Variants in MN1 observed in about 807,000 individuals in gnomAD.
The protein encoded by MN1 is transcriptional activator MN1.
Under a neutral mutation model 86.9 loss-of-function variants are expected in MN1, and 19 were observed. That is an observed-to-expected ratio of 0.22 (90% CI 0.15 to 0.32). The LOEUF (loss-of-function observed/expected upper bound fraction) is 0.32, where lower values mean the gene tolerates loss of function less well. Among genes scored for constraint, MN1 ranks in the 10% least tolerant of loss-of-function variants. The pLI is 1.00. For synonymous variants in MN1, 928 were observed against 849.6 expected (o/e 1.09, Z -1.60); for missense variants, 1,841 against 1,862.0 (o/e 0.99, Z 0.21).
Position 27,797,799 on chromosome 22 carries a change from G to A in MN1, c.2745C>T (p.Gly915=). The A allele has an allele frequency of 6.3e-7, 1 of 1,597,186 alleles. No individual in the cohort carries two copies. Among genetic ancestry groups the A allele is most frequent in the Non-Finnish European group, 8.5e-7 (1 of 1,173,568 alleles). The change falls in exon 1 of 2, where the codon GGC becomes GGT. Residue 915 remains glycine (G), a synonymous_variant. Transcript: ENST00000302326. ...GPPNPPAQGD[G]TSLSPNYTLE... ...GGGTGTAGTTGGGGGAGAGGCTGGT[G>A]CCGTCCCCCTGGGCTGGAGGGTTGG...
intron 1 of MN1, among the ~76,000 whole-genome samples, chr22:27,793,612 A>G (rs1275054062): frequency 6.6e-6 from 1 of 152,204 alleles, no homozygotes; most frequent in African/African-American, 2.4e-5. Context: ...TGGGTTGATT[A>G]AGAAGTCAAG....
Position 27,748,536 on chromosome 22 carries a change from T to A in MN1, c.*2379A>T, listed in dbSNP as rs2123871434. Reference sequence around the variant, plus strand: ...AAGTTTTCATATTTTACATGTGCAATAACATTTTCGTTTTCTTTCCCAAAG... The same window carrying A: ...AAGTTTTCATATTTTACATGTGCAAAAACATTTTCGTTTTCTTTCCCAAAG... On this transcript the variant is annotated 3_prime_UTR_variant, in exon 2 of 2. Coordinates refer to ENST00000302326, the MANE Select transcript of MN1 (RefSeq NM_002430.3). 4.9e-6 allele frequency: 1 copy of A among 204,352 alleles called. No homozygotes were observed. The highest frequency in any genetic ancestry group is 1.0e-5 in the Non-Finnish European group (1 of 99,428). The allele number at this position is 204,352 out of a possible 1,614,324, so 12.7% of individuals were successfully genotyped here. A position where few individuals can be genotyped will look rare whatever the true frequency, so the allele number is the denominator to read the frequency against.
chr22:27,758,928 CAATACTCCCACCTCA>C (rs1932817396), intron 1 of MN1, among the ~76,000 whole-genome samples: 1 of 152,158 alleles, frequency 6.6e-6, no homozygotes, highest in Non-Finnish European at 1.5e-5. Flanking sequence ...CAGGCTCAAG[CAATACTCCCACCTCA>C]GCCTCCCAAG....
intron 1 of MN1, among the ~76,000 whole-genome samples, chr22:27,772,782 A>G (rs1479382123): frequency 6.6e-6 from 1 of 152,070 alleles, no homozygotes; most frequent in Admixed American, 6.5e-5. Flanking sequence ...TAAGCTAGCA[A>G]GACAACACAC....
chr22:27,755,640 C>T (rs985673322), intron 1 of MN1, among the ~76,000 whole-genome samples: 2 of 152,186 alleles, frequency 1.3e-5, no homozygotes, highest in Non-Finnish European at 2.9e-5. Context: ...CCTACTACCC[C>T]GTCACCCCTG....
At position 27,798,599 on chromosome 22, in the gene MN1, C is replaced by A; in HGVS notation, c.1945G>T (p.Gly649Cys). ...CCACAGTCAGCGGGCAGACCCGAGC[C>A]GCCCATCCTACGGGGCAGCAGGTCT... ...PGDLLPRRMG[G>C]SGLPADCGPH... Residue 649 changes from glycine to cysteine, a missense_variant, in exon 1 of 2, where the codon GGC (glycine) becomes TGC (cysteine). Physicochemically the swap from Gly to Cys is radical, Grantham distance 159. Transcript: ENST00000302326. 6.4e-7 allele frequency: 1 copy of A among 1,556,102 alleles called. No individual in the cohort carries two copies. Among genetic ancestry groups the A allele is most frequent in the East Asian group, 2.4e-5 (1 of 42,426 alleles).
At chr22:27,779,805 C>T (rs1351013613) in intron 1 of MN1, among the ~76,000 whole-genome samples, 1 of 152,148 alleles carries the variant, frequency 6.6e-6, no homozygotes, top group Admixed American at 6.5e-5. Context: ...TCGGGCTGGC[C>T]CCAGCTGGGC....
At position 27,797,450 on chromosome 22, in the gene MN1, C is replaced by T; in HGVS notation, c.3094G>A (p.Ala1032Thr). ...TTTGGCGAACTACTGTCCGACTTGGCCCCGCCGTCCAGGGACCCAATGAGG... is the reference window on the plus strand; with the variant it reads ...TTTGGCGAACTACTGTCCGACTTGGTCCCGCCGTCCAGGGACCCAATGAGG... The part of the protein sequence containing the change: ...PDLIGSLDGG[A>T]KSDSSSPNVG... The change falls in exon 1 of 2, where the codon GCC becomes ACC. Residue 1032 changes from alanine to threonine, a missense_variant. Ala to Thr is a moderately conservative substitution (Grantham distance 58). Coordinates refer to ENST00000302326, the MANE Select transcript of MN1 (RefSeq NM_002430.3). 6.2e-7 allele frequency: 1 copy of T among 1,604,080 alleles called. No homozygotes were observed. The highest frequency in any genetic ancestry group is 8.5e-7 in the Non-Finnish European group (1 of 1,175,480).
Position 27,750,487 on chromosome 22 carries a change from G to C in MN1, c.*428C>G. On this transcript the variant is annotated 3_prime_UTR_variant, in exon 2 of 2. Coordinates refer to ENST00000302326, the MANE Select transcript of MN1 (RefSeq NM_002430.3). ...GGGGAGGGGGTAAGAAAAGGAAAAA[G>C]AATAAAAAAGAAAGCAACTCTTGTC... 4.5e-6 allele frequency: 1 copy of C among 222,594 alleles called. No individual in the cohort carries two copies. The highest frequency in any genetic ancestry group is 9.0e-6 in the Non-Finnish European group (1 of 111,508). 13.8% of individuals were successfully genotyped at this position (222,594 alleles called of 1,614,324 possible). A position where few individuals can be genotyped will look rare whatever the true frequency, so the allele number is the denominator to read the frequency against.
At chr22:27,754,867 T>G (rs1932792521) in intron 1 of MN1, among the ~76,000 whole-genome samples, 1 of 152,116 alleles carries the variant, frequency 6.6e-6, no homozygotes, top group Admixed American at 6.5e-5. Flanking sequence ...CTGGCAGACA[T>G]CACAGGACCC....
At chr22:27,774,124 C>T (rs1216620830) in intron 1 of MN1, among the ~76,000 whole-genome samples, 1 of 152,192 alleles carries the variant, frequency 6.6e-6, no homozygotes, top group Non-Finnish European at 1.5e-5. Flanking sequence ...GAAATGATCC[C>T]ACTTTCCATT....
chr22:27,758,778 A>G (rs1165548355), intron 1 of MN1, among the ~76,000 whole-genome samples: 2 of 152,194 alleles, frequency 1.3e-5, no homozygotes, highest in Non-Finnish European at 2.9e-5. Context: ...GGCAGACAGA[A>G]GTCACAGGAG....
chr22:27,797,369 CCTCGTCCTCATT>C lies in MN1; in HGVS notation c.3163_3174del (p.Asn1055_Glu1058del). 1 of 1,610,622 alleles carries C rather than the reference CCTCGTCCTCATT, an allele frequency of 6.2e-7. No homozygotes were observed. The highest frequency in any genetic ancestry group is 8.5e-7 in the Non-Finnish European group (1 of 1,179,936). Reference sequence around the variant, plus strand: ...TGGGGGTTGTCAGAGCTGGACGACACCTCGTCCTCATTGGCGTAGCTCGTGCTCACCTCGTCC... The same window carrying C: ...TGGGGGTTGTCAGAGCTGGACGACACGGCGTAGCTCGTGCTCACCTCGTCC... On this transcript the variant is annotated inframe_deletion, in exon 1 of 2. Transcript: ENST00000302326.
intron 1 of MN1, among the ~76,000 whole-genome samples, chr22:27,783,366 A>G (rs1933079932): frequency 6.6e-6 from 1 of 152,134 alleles, no homozygotes; most frequent in Non-Finnish European, 1.5e-5. Flanking sequence ...TCCTGACCTC[A>G]GGTGATCCAC....
At chr22:27,794,405 G>A (rs912457094) in intron 1 of MN1, among the ~76,000 whole-genome samples, 5 of 152,194 alleles carry the variant, frequency 3.3e-5, no homozygotes, top group African/African-American at 4.8e-5. Context: ...CCACACCACA[G>A]AGTAGAAAAC....
At position 27,799,042 on chromosome 22, in the gene MN1, G is replaced by T. The variant is rs1431698444; in HGVS notation, c.1502C>A (p.Pro501His). 3 of 1,611,764 alleles carry T rather than the reference G, an allele frequency of 1.9e-6. No individual in the cohort carries two copies. The African/African-American group carries it at 4.0e-5, about 22-fold the overall frequency. ...YPGLPGEFTP[P>H]VPDSFPSGPP... The stretch of plus-strand genomic sequence containing the variant: ...CCCCGAAGGGAAGCTGTCGGGCACA[G>T]GCGGTGTGAACTCGCCGGGTAGGCC... Residue 501 changes from proline to histidine, a missense_variant, in exon 1 of 2, where the codon CCT becomes CAT. Physicochemically the swap from Pro to His is moderately conservative, Grantham distance 77. Transcript: ENST00000302326.
At position 27,799,102 on chromosome 22, in the gene MN1, G is replaced by A; in HGVS notation, c.1442C>T (p.Ala481Val). Residue 481 changes from alanine to valine, a missense_variant, in exon 1 of 2, where the codon GCT (alanine) becomes GTT (valine). By Grantham distance (64) the Ala-to-Val change is moderately conservative (BLOSUM62 0). Coordinates refer to ENST00000302326, the MANE Select transcript of MN1 (RefSeq NM_002430.3). ...ASWNGSMHNGALDNHLSPSAY... is the reference protein window; with the variant it reads ...ASWNGSMHNGVLDNHLSPSAY... ...GGAAGGGGAGAGGTGATTATCCAGA[G>A]CGCCGTTGTGCATGCTGCCGTTCCA... 1.2e-6 allele frequency: 2 copies of A among 1,605,174 alleles called. No homozygotes were observed. Among genetic ancestry groups the A allele is most frequent in the Non-Finnish European group, 1.7e-6 (2 of 1,173,960 alleles).
In MN1 at chr22:27,800,326, C is replaced by CGCT. The variant is rs1411408712; in HGVS notation, c.217_218insAGC (p.Ala72_Arg73insGln). ...CCCTGCGTGCAACTCCGAGTGGCCGCGCGCGTGGAAGCCGTAGGGCTCCAT... is the reference window on the plus strand; with the variant it reads ...CCCTGCGTGCAACTCCGAGTGGCCGCGCTGCGCGTGGAAGCCGTAGGGCTCCAT... On this transcript the variant is annotated inframe_insertion, in exon 1 of 2. Transcript: ENST00000302326. 5.7e-6 allele frequency: 9 copies of CGCT among 1,582,646 alleles called. No individual in the cohort carries two copies. In the East Asian group the frequency reaches 2.0e-4, roughly 36 times the overall value.
chr22:27,774,590 A>T (rs567063636), intron 1 of MN1, among the ~76,000 whole-genome samples: 2 of 152,074 alleles, frequency 1.3e-5, no homozygotes, highest in Non-Finnish European at 2.9e-5. Context: ...TGGTACCTAC[A>T]TTTTTTTCCT....
Sources: gnomAD v4.1 joint callset for allele counts (sites outside exome capture counted in the v4.1 genomes callset) on GRCh38, gnomAD v4.1.1 for gene constraint, MANE v1.5 for transcripts, NCBI Gene and HGNC (gene_info 2026-07-23, HGNC 2026-07-21) for gene names.